Variants in RIMBP2 observed in about 807,000 individuals in gnomAD.
RIMBP2 encodes the protein RIMS binding protein 2, also known as RIMS-binding protein 2.
RIMBP2 carries 48 observed loss-of-function variants against 118.6 expected under a neutral mutation model. The observed-to-expected ratio is 0.40, with a 90% CI of 0.32 to 0.51. The LOEUF (loss-of-function observed/expected upper bound fraction) is 0.51. RIMBP2 is among the 20% of genes least tolerant of loss of function. RIMBP2 has a pLI of 0.41. For missense variants in RIMBP2, 1,551 were observed against 1,768.3 expected, an observed-to-expected ratio of 0.88 and a Z score of 2.20; for synonymous variants, 762 against 742.9, an observed-to-expected ratio of 1.03 and a Z score of -0.42.
In RIMBP2 at chr12:130,688,945, A is replaced by G. The variant is rs1476862656; in HGVS notation, c.-352+27277T>C. 6.6e-6 allele frequency among the ~76,000 whole-genome samples: 1 copy of G among 152,262 alleles called. No individual in the cohort carries two copies. The highest frequency in any genetic ancestry group is 1.9e-4 in the East Asian group (1 of 5,194). On this transcript the variant is annotated intron_variant, in intron 1 of 22. Transcript: ENST00000690449. The surrounding 1 kb of genome is among the most constrained non-coding windows in gnomAD (Gnocchi z 4.7). ...AGCGAAGGTCGGTCGCAGGCAGCAG[A>G]GAACTGCCCAGTGTGCGCCGATATC...
chr12:130,533,735 GA>G (rs2053722675), intron 2 of RIMBP2, among the ~76,000 whole-genome samples: 1 of 152,168 alleles, frequency 6.6e-6, no homozygotes, highest in Admixed American at 6.6e-5. Context: ...GCCATAAAAA[GA>G]ATGAAATTAT....
intron 2 of RIMBP2, among the ~76,000 whole-genome samples, chr12:130,599,819 T>C (rs138217814): frequency 3.3e-5 from 5 of 152,342 alleles, no homozygotes; most frequent in African/African-American, 1.2e-4. Context: ...AGTGAAATTA[T>C]TGTGAAAGGA....
chr12:130,399,964 G>C (rs1325947394), intron 21 of RIMBP2, 151 bp from the exon 22 acceptor site: 1 of 875,664 alleles, frequency 1.1e-6, no homozygotes, highest in East Asian at 2.6e-5. Flanking sequence ...CTAAATCAGG[G>C]TTTCCAAATT....
intron 19 of RIMBP2, among the ~76,000 whole-genome samples, chr12:130,411,324 C>T (rs2075698209): frequency 6.6e-6 from 1 of 152,058 alleles, no homozygotes; most frequent in African/African-American, 2.4e-5. Context: ...CCTTCATTTC[C>T]AGTCTGTACA....
intron 2 of RIMBP2, among the ~76,000 whole-genome samples, chr12:130,558,749 T>A (rs1299556011): frequency 6.6e-6 from 1 of 152,218 alleles, no homozygotes; most frequent in Non-Finnish European, 1.5e-5. Context: ...GAATCCCCTG[T>A]GAAAAGGGTG....
At chr12:130,508,197 A>G (rs1394321033) in intron 3 of RIMBP2, among the ~76,000 whole-genome samples, 1 of 152,058 alleles carries the variant, frequency 6.6e-6, no homozygotes, top group Non-Finnish European at 1.5e-5. Context: ...CTAGCTGTTC[A>G]AGAACATTAG....
At chr12:130,492,818 T>C (rs986039909) in intron 4 of RIMBP2, among the ~76,000 whole-genome samples, 1 of 152,164 alleles carries the variant, frequency 6.6e-6, no homozygotes, top group East Asian at 1.9e-4. Context: ...AGAATGAGAT[T>C]AAATGTTAGA....
At chr12:130,606,156 T>C (rs1219525384) in intron 2 of RIMBP2, among the ~76,000 whole-genome samples, 1 of 152,074 alleles carries the variant, frequency 6.6e-6, no homozygotes. Flanking sequence ...CAATAACAAC[T>C]GGAAGTAAAT....
In RIMBP2 at chr12:130,434,880, A is replaced by G. The variant is rs1177746691; in HGVS notation, c.2107T>C (p.Leu703=). ...AAQRVAESSR[L]EKRSVFLERS... is the part of the protein sequence containing the mutation. ...TCTAGGAAGACGCTCCTTTTCTCTA[A>G]CTTGGAAAGAAAAAGGAGGCACACG... The change falls in exon 14 of 23, where the codon TTA becomes CTA. Residue 703 remains leucine, a splice_region_variant and synonymous_variant. Transcript: ENST00000690449. The surrounding 1 kb of genome is among the most constrained non-coding windows in gnomAD (Gnocchi z 5.7). 5.6e-6 allele frequency: 9 copies of G among 1,602,466 alleles called. No individual in the cohort carries two copies. The highest frequency in any genetic ancestry group is 2.3e-5 in the East Asian group (1 of 44,200).
intron 1 of RIMBP2, among the ~76,000 whole-genome samples, chr12:130,672,154 G>T (rs2064230241): frequency 6.6e-6 from 1 of 152,194 alleles, no homozygotes; most frequent in Non-Finnish European, 1.5e-5. Context: ...AATGCTCGGA[G>T]AATTCTAAGA....
intron 1 of RIMBP2, among the ~76,000 whole-genome samples, chr12:130,630,403 T>C (rs2061921404): frequency 6.6e-6 from 1 of 151,922 alleles, no homozygotes; most frequent in Non-Finnish European, 1.5e-5. Context: ...CACCAAATAT[T>C]TAAAAACAAA....
rs2052416640 is a variant in RIMBP2 at position 130,523,598 on chromosome 12, T to C, written c.-216-5681A>G. On this transcript the variant is annotated intron_variant, in intron 2 of 22. Transcript: ENST00000690449. The surrounding 1 kb of genome is among the most constrained non-coding windows in gnomAD (Gnocchi z 4.4). ...TTTCAATGGACAAGGTGGCCGCTTC[T>C]CTGGGGGAGAAACTGACAAGAGAAA... 6.6e-6 allele frequency among the ~76,000 whole-genome samples: 1 copy of C among 152,224 alleles called. No homozygotes were observed. Among genetic ancestry groups the C allele is most frequent in the African/African-American group, 2.4e-5 (1 of 41,464 alleles).
Position 130,437,214 on chromosome 12 carries a change from G to A in RIMBP2, c.1734C>T (p.Gly578=), listed in dbSNP as rs937313128. 1.1e-5 allele frequency: 18 copies of A among 1,584,762 alleles called. No homozygotes were observed. Among genetic ancestry groups the A allele is most frequent in the Non-Finnish European group, 1.4e-5 (16 of 1,169,674 alleles). The part of the protein sequence containing the change: ...LVRLRSLEAK[G]VTVRTLSAQG... ...GGGCGGAGAGGGTCCGCACGGTCAC[G>A]CCCTTGGCCTCCAGGCTCCGCAGCC... is the stretch of plus-strand genomic sequence containing the variant. The change falls in exon 13 of 23, where the codon GGC becomes GGT. Residue 578 remains glycine (G), a synonymous_variant. Coordinates refer to ENST00000690449, the MANE Select transcript of RIMBP2 (RefSeq NM_001393629.1).
At position 130,450,103 on chromosome 12, in the gene RIMBP2, G is replaced by A; in HGVS notation, c.581+97C>T. 3.8e-6 allele frequency: 3 copies of A among 784,786 alleles called. No individual in the cohort carries two copies. The highest frequency in any genetic ancestry group is 6.4e-6 in the Non-Finnish European group (3 of 467,648). 48.6% of individuals were successfully genotyped at this position (784,786 alleles called of 1,614,324 possible). On this transcript the variant is annotated intron_variant, in intron 9 of 22. Transcript: ENST00000690449. The surrounding 1 kb of genome is among the most constrained non-coding windows in gnomAD (Gnocchi z 4.8). ...ATCCCACCTTCTCCTCGTGCCCTGG[G>A]AGAAGGGAACTTCTCAGACCCCAGA...
intron 2 of RIMBP2, among the ~76,000 whole-genome samples, chr12:130,562,025 A>C (rs1217364431): frequency 6.6e-6 from 1 of 152,214 alleles, no homozygotes; most frequent in Non-Finnish European, 1.5e-5. Context: ...TGCAAAAATG[A>C]CATTACCTTT....
chr12:130,545,756 C>T lies in RIMBP2; in HGVS notation c.-216-27839G>A, dbSNP rs1299192630. ...TACGCAGAATCTTCTTCAAAGCTGTCAAATCTCCATCTCCGCCAGCCATCA... is the reference window on the plus strand; with the variant it reads ...TACGCAGAATCTTCTTCAAAGCTGTTAAATCTCCATCTCCGCCAGCCATCA... On this transcript the variant is annotated intron_variant, in intron 2 of 22. Coordinates refer to ENST00000690449, the MANE Select transcript of RIMBP2 (RefSeq NM_001393629.1). Among the ~76,000 whole-genome samples the T allele has an allele frequency of 2.6e-5, 4 of 152,326 alleles. No individual in the cohort carries two copies. In the South Asian group the frequency reaches 6.2e-4, roughly 24 times the overall value.
At chr12:130,626,945 CCATT>C (rs1345143262) in intron 2 of RIMBP2, among the ~76,000 whole-genome samples, 1 of 151,272 alleles carries the variant, frequency 6.6e-6, no homozygotes, top group African/African-American at 2.4e-5. Flanking sequence ...ACCATTACCA[CCATT>C]ATCACCACGA....
At chr12:130,399,057 G>A (rs1176650428) in intron 22 of RIMBP2, 3 of 909,978 alleles carry the variant, frequency 3.3e-6, no homozygotes, top group South Asian at 3.2e-5. Flanking sequence ...TACCACACTG[G>A]CCCGGTTAAG....
In RIMBP2 at chr12:130,471,588, G is replaced by A. The variant is rs79830205; in HGVS notation, c.103-845C>T. On this transcript the variant is annotated intron_variant, in intron 5 of 22. Transcript: ENST00000690449. Reference sequence around the variant, plus strand: ...CTCTGCTCCATCTAAGCCAATGCCCGTTGTCCCGTCACAGTCGCCAGGGGC... The same window carrying A: ...CTCTGCTCCATCTAAGCCAATGCCCATTGTCCCGTCACAGTCGCCAGGGGC... 5.5e-4 allele frequency among the ~76,000 whole-genome samples: 83 copies of A among 152,274 alleles called. 1 individual carries two copies. The highest frequency in any genetic ancestry group is 1.9e-3 in the African/African-American group (77 of 41,568).
Sources: gnomAD v4.1 joint callset for allele counts (sites outside exome capture counted in the v4.1 genomes callset) on GRCh38, gnomAD v4.1.1 for gene constraint, Gnocchi (gnomAD v3.1) non-coding constraint, MANE v1.5 for transcripts, NCBI Gene and HGNC (gene_info 2026-07-23, HGNC 2026-07-21) for gene names.